HEPACAM2: variants seen among roughly 807,000 people sequenced by gnomAD.
The protein encoded by HEPACAM2 is mitotic kinetics regulator.
HEPACAM2 carries 49 observed loss-of-function variants against 49.6 expected under a neutral mutation model. The ratio of observed to expected loss-of-function variants is 0.99; its 90% confidence interval spans 0.78 to 1.25. The LOEUF (loss-of-function observed/expected upper bound fraction) is 1.25. Among genes scored for constraint, HEPACAM2 ranks in the 50% most tolerant of loss-of-function variants. HEPACAM2 has a pLI of 0.00. For synonymous variants in HEPACAM2, 197 were observed against 202.9 expected (o/e 0.97, Z 0.25); for missense variants, 525 against 557.2 (o/e 0.94, Z 0.58).
At position 93,208,700 on chromosome 7, in the gene HEPACAM2, G is replaced by A. The variant is rs868846044; in HGVS notation, c.892C>T (p.Arg298Cys). 4.3e-6 allele frequency: 7 copies of A among 1,613,144 alleles called. No homozygotes were observed. The highest frequency in any genetic ancestry group is 5.1e-6 in the Non-Finnish European group (6 of 1,179,426). ...ACTTTCTCAGATGCAACTTCTAAGC[G>A]AGGCCCATGCTTAATGATATATGTA... Reference protein sequence around the residue: ...NTTYIIKHGPRLEVASEKVAQ... With the variant: ...NTTYIIKHGPCLEVASEKVAQ... The change falls in exon 4 of 10, where the codon CGC (arginine) becomes TGC (cysteine). Residue 298 changes from arginine to cysteine, a missense_variant. Transcript: ENST00000394468.
chr7:93,224,139 T>C (rs970825365), intron 1 of HEPACAM2, among the ~76,000 whole-genome samples: 1 of 151,962 alleles, frequency 6.6e-6, no homozygotes, highest in South Asian at 2.1e-4. Flanking sequence ...ATAAATAATA[T>C]AAAAAGGTTG....
intron 4 of HEPACAM2, chr7:93,205,369 C>A (rs1794002067): frequency 6.6e-6 from 1 of 152,132 alleles, no homozygotes; most frequent in Admixed American, 6.6e-5. Context: ...TATTTCCTGA[C>A]CTTGTCATTT....
chr7:93,230,982 TC>T (rs1794616670), upstream of HEPACAM2, among the ~76,000 whole-genome samples: 2 of 152,168 alleles, frequency 1.3e-5, no homozygotes, highest in African/African-American at 4.8e-5. Context: ...CTACATCATC[TC>T]ACTTATCCTT....
intron 1 of HEPACAM2, chr7:93,226,068 C>T (rs1439495601): frequency 7.3e-6 from 4 of 544,234 alleles, no homozygotes; most frequent in Non-Finnish European, 1.3e-5. Flanking sequence ...ACTATTGAAC[C>T]TATATGTAAA....
upstream of HEPACAM2, among the ~76,000 whole-genome samples, chr7:93,230,085 T>G (rs149164374): frequency 1.1e-4 from 17 of 152,312 alleles, no homozygotes; most frequent in East Asian, 2.9e-3. Context: ...AGTTTTGGAG[T>G]AAAACAAAGT....
chr7:93,198,795 C>T (rs1394516612), intron 4 of HEPACAM2, among the ~76,000 whole-genome samples: 5 of 152,216 alleles, frequency 3.3e-5, no homozygotes, highest in African/African-American at 1.2e-4. Context: ...AATATCCAGC[C>T]TGCACTGTGT....
At chr7:93,220,055 G>A (rs1296466634) in intron 1 of HEPACAM2, among the ~76,000 whole-genome samples, 1 of 152,158 alleles carries the variant, frequency 6.6e-6, no homozygotes, top group Non-Finnish European at 1.5e-5. Flanking sequence ...CAAGAGGCAG[G>A]TACAGATGGA....
chr7:93,194,622 C>G (rs1291340383), intron 8 of HEPACAM2, among the ~76,000 whole-genome samples: 1 of 152,018 alleles, frequency 6.6e-6, no homozygotes, highest in African/African-American at 2.4e-5. Context: ...TGACATTTCT[C>G]AAATAAACTC....
At chr7:93,202,030 A>C (rs868262165) in intron 4 of HEPACAM2, among the ~76,000 whole-genome samples, 11 of 28,134 alleles carry the variant, frequency 3.9e-4, no homozygotes, top group East Asian at 6.0e-4. Flanking sequence ...AAAAAAAAAA[A>C]CCAAAAAAAA....
upstream of HEPACAM2, among the ~76,000 whole-genome samples, chr7:93,228,720 T>C (rs1382593380): frequency 6.6e-6 from 1 of 152,184 alleles, no homozygotes; most frequent in Non-Finnish European, 1.5e-5. Context: ...GCATTTAAAA[T>C]GAGAAGGCTG....
rs56307908 is a variant in HEPACAM2 at position 93,202,066 on chromosome 7, A to G, written c.1013-4456T>C. Among the ~76,000 whole-genome samples the G allele has an allele frequency of 7.5e-3, 1,112 of 148,566 alleles. 13 individuals are homozygous for G. Among genetic ancestry groups the G allele is most frequent in the African/African-American group, 0.025 (1,032 of 40,684 alleles). On this transcript the variant is annotated intron_variant, in intron 4 of 9. Coordinates refer to ENST00000394468, the MANE Select transcript of HEPACAM2 (RefSeq NM_001039372.4). ...AAAAAAAAACCACAAAAACCAGAAA[A>G]ACTGGTAAGAAATAAATAATAAAAA...
At chr7:93,203,220 C>T (rs555112266) in intron 4 of HEPACAM2, among the ~76,000 whole-genome samples, 2 of 152,256 alleles carry the variant, frequency 1.3e-5, no homozygotes, top group East Asian at 1.9e-4. Context: ...GTCCTCTTCT[C>T]TAGAGCATTC....
chr7:93,204,324 CTCTATCTATCTATCTATCTATCTATCTA>C (rs67856013), intron 4 of HEPACAM2, among the ~76,000 whole-genome samples: 1 of 147,536 alleles, frequency 6.8e-6, no homozygotes, highest in African/African-American at 2.5e-5. Flanking sequence ...CATAAACATT[CTCTATCTATCTATCTATCTATCTATCTA>C]TCTATCTATC....
At chr7:93,224,119 CTT>C (rs988157462) in intron 1 of HEPACAM2, among the ~76,000 whole-genome samples, 1 of 151,954 alleles carries the variant, frequency 6.6e-6, no homozygotes, top group African/African-American at 2.4e-5. Flanking sequence ...AACAGATAAA[CTT>C]CAAGAAAATA....
At chr7:93,217,679 G>A (rs1794336534) in intron 2 of HEPACAM2, among the ~76,000 whole-genome samples, 1 of 152,106 alleles carries the variant, frequency 6.6e-6, no homozygotes, top group Admixed American at 6.6e-5. Context: ...TTTAAGCACT[G>A]AGGACAAAGC....
chr7:93,196,900 A>T (rs929801285), intron 7 of HEPACAM2, among the ~76,000 whole-genome samples: 1 of 152,162 alleles, frequency 6.6e-6, no homozygotes, highest in Non-Finnish European at 1.5e-5. Flanking sequence ...ACCCTTTGGC[A>T]TTTTCAAAAT....
chr7:93,202,032 C>CAAAAAAAAAAAAAAAAACA (rs1793903106), intron 4 of HEPACAM2, among the ~76,000 whole-genome samples: 1 of 102,008 alleles, frequency 9.8e-6, no homozygotes, highest in Non-Finnish European at 1.9e-5. Flanking sequence ...AAAAAAAAAC[C>CAAAAAAAAAAAAAAAAACA]AAAAAAAAAA....
the HEPACAM2 span, among the ~76,000 whole-genome samples, chr7:93,232,145 T>C: frequency 2.6e-5 from 4 of 152,206 alleles, no homozygotes; most frequent in Non-Finnish European, 2.9e-5. Flanking sequence ...GAAGAGTAGC[T>C]ACTGCCTAGT....
chr7:93,204,959 G>A (rs1256187161), intron 4 of HEPACAM2, among the ~76,000 whole-genome samples: 1 of 151,986 alleles, frequency 6.6e-6, no homozygotes, highest in Non-Finnish European at 1.5e-5. Context: ...AATTAGCCAG[G>A]CATGGTGGCA....
Sources: allele counts gnomAD v4.1 joint callset (sites outside exome capture counted in the v4.1 genomes callset), GRCh38; gene constraint gnomAD v4.1.1; transcripts MANE v1.5; gene names NCBI Gene and HGNC (gene_info 2026-07-23, HGNC 2026-07-21).